Variants in WDR41 observed in about 807,000 individuals in gnomAD.
WDR41 encodes WD repeat-containing protein 41.
In WDR41, 63 loss-of-function variants were observed where a neutral mutation model predicts 69.3. That is an observed-to-expected ratio of 0.91 (90% CI 0.74 to 1.12). WDR41 has a LOEUF of 1.12. WDR41 is among the 50% of genes most tolerant of loss of function. WDR41 has a pLI of 0.00. For synonymous variants in WDR41, 185 were observed against 192.1 expected (o/e 0.96, Z 0.31); for missense variants, 543 against 534.5 (o/e 1.02, Z -0.16).
intron 1 of WDR41, among the ~76,000 whole-genome samples, chr5:77,536,663 C>A (rs561844708): frequency 6.6e-6 from 1 of 152,226 alleles, no homozygotes; most frequent in Non-Finnish European, 1.5e-5. Flanking sequence ...ATGTTTAGGT[C>A]CACAAATACT....
chr5:77,618,323 CT>C (rs1273798174), intron 1 of WDR41, among the ~76,000 whole-genome samples: 9 of 152,054 alleles, frequency 5.9e-5, no homozygotes, highest in African/African-American at 1.9e-4. Flanking sequence ...CTCTGATGCT[CT>C]TTATGGATAA....
At chr5:77,445,084 AGAT>A (rs1283412980) in intron 8 of WDR41, among the ~76,000 whole-genome samples, 2 of 152,228 alleles carry the variant, frequency 1.3e-5, no homozygotes, top group African/African-American at 4.8e-5. Context: ...ACACAATAAA[AGAT>A]GATAAAGGGG....
chr5:77,453,903 T>C lies in WDR41; in HGVS notation c.437A>G (p.Asp146Gly), dbSNP rs1463602184. 6.2e-7 allele frequency: 1 copy of C among 1,614,078 alleles called. No homozygotes were observed. The highest frequency in any genetic ancestry group is 8.5e-7 in the Non-Finnish European group (1 of 1,179,980). Residue 146 changes from aspartate to glycine, a missense_variant, in exon 6 of 13, where the codon GAT (aspartate) becomes GGT (glycine). Coordinates refer to ENST00000296679, the MANE Select transcript of WDR41 (RefSeq NM_018268.4). Reference protein sequence around the residue: ...VKCLTVLQRLDVWLSGGNDLC... With the variant: ...VKCLTVLQRLGVWLSGGNDLC... Reference sequence around the variant, plus strand: ...GTCATTCCCACCAGAAAGCCAAACATCTAGTCTCTGAAGAACAGTTAAACA... The same window carrying C: ...GTCATTCCCACCAGAAAGCCAAACACCTAGTCTCTGAAGAACAGTTAAACA...
intron 2 of WDR41, 45 bp downstream of exon 2, chr5:77,489,412 A>C: frequency 4.8e-6 from 6 of 1,251,304 alleles, no homozygotes; most frequent in Non-Finnish European, 6.6e-6. Flanking sequence ...ATTCCCTAAA[A>C]CCTCTTCCCA....
chr5:77,517,376 G>GAAAAAC lies in WDR41; in HGVS notation c.43-27810_43-27805dup, dbSNP rs531425616. 2.5e-4 allele frequency among the ~76,000 whole-genome samples: 38 copies of GAAAAAC among 151,846 alleles called. No individual in the cohort carries two copies. The East Asian group carries it at 6.0e-3, about 24-fold the overall frequency. ...CAGATGCTATAGTGACTAGCTGATG[G>GAAAAAC]AAAAACAAAAACAAAAACAAAAACA... is the stretch of plus-strand genomic sequence containing the variant. On this transcript the variant is annotated intron_variant, in intron 1 of 5. Transcript: ENST00000509971.
intron 1 of WDR41, among the ~76,000 whole-genome samples, chr5:77,500,651 T>C (rs1802004212): frequency 1.3e-5 from 2 of 152,286 alleles, no homozygotes; most frequent in Middle Eastern, 3.4e-3. Context: ...ACCTAAGTAG[T>C]CCCATAACCA....
At chr5:77,554,623 T>A (rs912732180) in intron 1 of WDR41, among the ~76,000 whole-genome samples, 2 of 149,232 alleles carry the variant, frequency 1.3e-5, no homozygotes, top group Admixed American at 6.7e-5. Context: ...AAATTTTTTA[T>A]AATTTATAAT....
chr5:77,438,244 T>C lies in WDR41; in HGVS notation c.1000A>G (p.Asn334Asp), dbSNP rs145933611. 1.2e-6 allele frequency: 2 copies of C among 1,613,880 alleles called. No homozygotes were observed. The highest frequency in any genetic ancestry group is 2.7e-5 in the African/African-American group (2 of 74,932). The change falls in exon 10 of 13, where the codon AAC becomes GAC. Residue 334 changes from asparagine (N) to aspartate (D), a missense_variant. Asn to Asp is a conservative substitution (Grantham distance 23). Coordinates refer to ENST00000296679, the MANE Select transcript of WDR41 (RefSeq NM_018268.4). ...SNVLHVARLP[N>D]RQLISCSEDG... is the part of the protein sequence containing the mutation. ...AGAACAGATGGGAACTTGTACCTGTTTGGAAGTCTGGCAACGTGCAGGACA... is the reference window on the plus strand; with the variant it reads ...AGAACAGATGGGAACTTGTACCTGTCTGGAAGTCTGGCAACGTGCAGGACA...
At chr5:77,620,097 A>G (rs1418814851) in intron 1 of WDR41, among the ~76,000 whole-genome samples, 1 of 152,194 alleles carries the variant, frequency 6.6e-6, no homozygotes, top group Non-Finnish European at 1.5e-5. Flanking sequence ...TACCAAAGAA[A>G]GAATATTTTC....
intron 1 of WDR41, among the ~76,000 whole-genome samples, chr5:77,530,941 C>A: frequency 6.6e-6 from 1 of 151,698 alleles, no homozygotes; most frequent in Non-Finnish European, 1.5e-5. Context: ...GCTGAGACAA[C>A]TGGATACTCA....
chr5:77,472,631 CAGACAG>C (rs1226738561), intron 2 of WDR41, among the ~76,000 whole-genome samples: 9 of 152,062 alleles, frequency 5.9e-5, no homozygotes, highest in Admixed American at 5.2e-4. Context: ...ACACCAATAA[CAGACAG>C]AGAGCCAAAT....
chr5:77,494,570 A>G (rs1231187793), upstream of WDR41, among the ~76,000 whole-genome samples: 1 of 152,192 alleles, frequency 6.6e-6, no homozygotes, highest in Non-Finnish European at 1.5e-5. Flanking sequence ...AGACAGAAAC[A>G]TTATGTTATA....
intron 1 of WDR41, among the ~76,000 whole-genome samples, chr5:77,553,083 A>G (rs1384700172): frequency 6.6e-6 from 1 of 152,258 alleles, no homozygotes; most frequent in Non-Finnish European, 1.5e-5. Flanking sequence ...TGAAAGCCAT[A>G]TAAAGAGGAT....
chr5:77,584,510 A>C (rs1295046585), intron 1 of WDR41, among the ~76,000 whole-genome samples: 1 of 152,226 alleles, frequency 6.6e-6, no homozygotes, highest in Non-Finnish European at 1.5e-5. Context: ...AAATTTAAGA[A>C]GTAAATAATT....
intron 1 of WDR41, among the ~76,000 whole-genome samples, chr5:77,524,507 G>T (rs1055548660): frequency 3.3e-5 from 5 of 152,142 alleles, no homozygotes; most frequent in Non-Finnish European, 7.4e-5. Context: ...TGGGAGAATC[G>T]CTTGAGCCCA....
chr5:77,608,532 A>G (rs1017454274), intron 1 of WDR41, among the ~76,000 whole-genome samples: 16 of 152,234 alleles, frequency 1.1e-4, no homozygotes, highest in Non-Finnish European at 1.6e-4. Flanking sequence ...TCATCACAAC[A>G]GCCACATTTC....
chr5:77,595,918 C>T (rs1744219907), intron 1 of WDR41, among the ~76,000 whole-genome samples: 1 of 151,980 alleles, frequency 6.6e-6, no homozygotes, highest in Admixed American at 6.6e-5. Flanking sequence ...TCTTTAAATG[C>T]CAGTGGTCCT....
At chr5:77,563,319 C>G (rs1580011547) in intron 1 of WDR41, among the ~76,000 whole-genome samples, 1 of 152,168 alleles carries the variant, frequency 6.6e-6, no homozygotes, top group African/African-American at 2.4e-5. Flanking sequence ...TCTGAATCTG[C>G]CTCCCACCAG....
intron 1 of WDR41, among the ~76,000 whole-genome samples, chr5:77,560,033 T>A (rs912960335): frequency 2.6e-5 from 4 of 152,132 alleles, no homozygotes; most frequent in African/African-American, 7.2e-5. Context: ...CCTTCCACAA[T>A]TAATTATGCA....
Sources: allele counts gnomAD v4.1 joint callset (sites outside exome capture counted in the v4.1 genomes callset), GRCh38; gene constraint gnomAD v4.1.1; transcripts MANE v1.5; gene names NCBI Gene and HGNC (gene_info 2026-07-23, HGNC 2026-07-21).